The following ABAT variants were observed in gnomAD, a reference collection of about 807,000 sequenced individuals.
ABAT encodes the protein 4-aminobutyrate aminotransferase, mitochondrial.
ABAT carries 45 observed loss-of-function variants against 64.6 expected under a neutral mutation model. That is an observed-to-expected ratio of 0.70 (90% confidence interval 0.55 to 0.89). The LOEUF (loss-of-function observed/expected upper bound fraction) is 0.89. Among genes scored for constraint, ABAT ranks in the 40% least tolerant of loss-of-function variants. The pLI is 0.00. For synonymous variants in ABAT, 297 were observed against 250.5 expected (o/e 1.19, Z -1.75); for missense variants, 633 against 658.4 (o/e 0.96, Z 0.42).
chr16:8,761,289 C>A (rs2059790354), intron 6 of ABAT, among the ~76,000 whole-genome samples: 1 of 151,798 alleles, frequency 6.6e-6, no homozygotes, highest in South Asian at 2.1e-4. Flanking sequence ...AACCTCTCCC[C>A]ATCGATCCCT....
chr16:8,735,826 T>C lies in ABAT; in HGVS notation c.70+17T>C, dbSNP rs536656603. 3.1e-6 allele frequency: 5 copies of C among 1,588,852 alleles called. No homozygotes were observed. The highest frequency in any genetic ancestry group is 4.3e-6 in the Non-Finnish European group (5 of 1,166,812). On this transcript the variant is annotated intron_variant, in intron 2 of 15. Transcript: ENST00000268251. ...TGGTGCCTGGTAAGCCCCGGGGGTC[T>C]TGATAAGAACTGGTACTAATGGAAG...
intron 1 of ABAT, among the ~76,000 whole-genome samples, chr16:8,722,001 A>G (rs1402062755): frequency 6.6e-6 from 1 of 152,250 alleles, no homozygotes; most frequent in Non-Finnish European, 1.5e-5. Context: ...AAAAATTACC[A>G]GCATTTGCTA....
At chr16:8,738,701 G>A (rs73499566) in intron 2 of ABAT, among the ~76,000 whole-genome samples, 2,857 of 148,192 alleles carry the variant, frequency 0.019, 95 homozygotes, top group African/African-American at 0.069. Flanking sequence ...GAGTGGTGCC[G>A]TGGTGCAATC....
At chr16:8,706,755 G>T (rs1276898879) in intron 1 of ABAT, among the ~76,000 whole-genome samples, 1 of 152,174 alleles carries the variant, frequency 6.6e-6, no homozygotes, top group Non-Finnish European at 1.5e-5. Flanking sequence ...AGTACTAACT[G>T]TGATGAGTGG....
At chr16:8,729,063 T>C (rs546972840) in intron 1 of ABAT, among the ~76,000 whole-genome samples, 1 of 152,120 alleles carries the variant, frequency 6.6e-6, no homozygotes, top group South Asian at 2.1e-4. Context: ...TCTCAGCACG[T>C]TGGGAGGCCA....
chr16:8,773,558 G>A (rs1359113331), intron 12 of ABAT, among the ~76,000 whole-genome samples: 1 of 152,116 alleles, frequency 6.6e-6, no homozygotes, highest in Non-Finnish European at 1.5e-5. Context: ...TCATCTCTTT[G>A]TATTGGGAAT....
chr16:8,742,865 CAAAAAAAAAAAAA>C (rs71152927), intron 2 of ABAT, among the ~76,000 whole-genome samples: 1 of 96,996 alleles, frequency 1.0e-5, no homozygotes, highest in Admixed American at 1.2e-4. Context: ...GACCCTGTCT[CAAAAAAAAAAAAA>C]AAAAAAAAGT....
At chr16:8,713,959 C>G in intron 1 of ABAT, 3 of 455,212 alleles carry the variant, frequency 6.6e-6, no homozygotes, top group South Asian at 4.6e-5. Context: ...CTGTCAGTGC[C>G]TGTTATCTGT....
At chr16:8,774,694 G>C (rs781048335) in intron 12 of ABAT, among the ~76,000 whole-genome samples, 196 bp from the exon 13 acceptor site, 1 of 152,170 alleles carries the variant, frequency 6.6e-6, no homozygotes, top group Non-Finnish European at 1.5e-5. Context: ...ATTCAGCTCT[G>C]GTTGGAACTG....
At chr16:8,729,097 A>T (rs1305999199) in intron 1 of ABAT, among the ~76,000 whole-genome samples, 1 of 151,840 alleles carries the variant, frequency 6.6e-6, no homozygotes, top group Non-Finnish European at 1.5e-5. Flanking sequence ...ACTTGAGCTC[A>T]GGAGTTCAAG....
intron 2 of ABAT, among the ~76,000 whole-genome samples, chr16:8,743,423 T>TCATATATATATATATATA (rs1555489308): frequency 2.2e-5 from 1 of 45,296 alleles, no homozygotes; most frequent in Non-Finnish European, 3.8e-5. Flanking sequence ...ATGGAAACAG[T>TCATATATATATATATATA]TATATATATA....
chr16:8,706,577 G>T (rs2057950836), intron 1 of ABAT, among the ~76,000 whole-genome samples: 2 of 151,998 alleles, frequency 1.3e-5, no homozygotes, highest in African/African-American at 4.8e-5. Context: ...AGCCGGGTGT[G>T]GTGGCACGCT....
chr16:8,742,120 G>A (rs1226681424), intron 2 of ABAT, among the ~76,000 whole-genome samples: 3 of 152,132 alleles, frequency 2.0e-5, no homozygotes, highest in African/African-American at 7.2e-5. Context: ...TTCCTGGCTT[G>A]TGCCCCATAG....
chr16:8,722,897 C>T (rs1233042929), intron 1 of ABAT: 4 of 1,279,284 alleles, frequency 3.1e-6, no homozygotes, highest in Non-Finnish European at 4.1e-6. Flanking sequence ...ATATGGAACT[C>T]TTAGCACGCT....
intron 5 of ABAT, among the ~76,000 whole-genome samples, chr16:8,754,859 C>G (rs1431908633): frequency 2.6e-5 from 4 of 151,990 alleles, no homozygotes. Context: ...GCTGGGATTA[C>G]AGGCACCTGC....
chr16:8,745,013 C>A (rs1731018), intron 2 of ABAT, among the ~76,000 whole-genome samples: 4 of 152,000 alleles, frequency 2.6e-5, no homozygotes. Flanking sequence ...GTTGAGACAG[C>A]GTCTCACTCT....
At chr16:8,738,178 G>A (rs2059038518) in intron 2 of ABAT, among the ~76,000 whole-genome samples, 1 of 151,526 alleles carries the variant, frequency 6.6e-6, no homozygotes, top group Admixed American at 6.6e-5. Flanking sequence ...AAACTTAGCT[G>A]GGCATGGTGA....
Position 8,764,578 on chromosome 16 carries a change from G to A in ABAT, c.448-160G>A, listed in dbSNP as rs942498343. On this transcript the variant is annotated intron_variant, in intron 7 of 15. Coordinates refer to ENST00000268251, the MANE Select transcript of ABAT (RefSeq NM_020686.6). This position sits in a 1 kb window ranked among gnomAD's most constrained non-coding sequence, Gnocchi z 4.2. Reference sequence around the variant, plus strand: ...TCCCTGGGCTTCTCCGCCACCCCTGGAAAAGCCTGAGCCCACCCTCCCAGT... The same window carrying A: ...TCCCTGGGCTTCTCCGCCACCCCTGAAAAAGCCTGAGCCCACCCTCCCAGT... Among the ~76,000 whole-genome samples, 3 of 152,108 alleles carry A rather than the reference G, an allele frequency of 2.0e-5. No homozygotes were observed. Among genetic ancestry groups the A allele is most frequent in the African/African-American group, 7.2e-5 (3 of 41,420 alleles).
At chr16:8,716,721 A>T (rs535646853) in intron 1 of ABAT, among the ~76,000 whole-genome samples, 3 of 152,122 alleles carry the variant, frequency 2.0e-5, no homozygotes, top group Non-Finnish European at 4.4e-5. Flanking sequence ...CCTCTCCTAG[A>T]CTAAACTACT....
Sources: allele counts gnomAD v4.1 joint callset (sites outside exome capture counted in the v4.1 genomes callset), GRCh38; gene constraint gnomAD v4.1.1; non-coding constraint Gnocchi (gnomAD v3.1); transcripts MANE v1.5; gene names NCBI Gene and HGNC (gene_info 2026-07-23, HGNC 2026-07-21).